Variants in MARCHF1 observed in about 807,000 individuals in gnomAD.
MARCHF1 encodes E3 ubiquitin-protein ligase MARCHF1.
Under a neutral mutation model 54.2 loss-of-function variants are expected in MARCHF1, and 40 were observed. That is an observed-to-expected ratio of 0.74 (90% CI 0.57 to 0.96). The LOEUF is 0.96. MARCHF1 is among the 40% of genes least tolerant of loss of function. The pLI, the probability that MARCHF1 is intolerant of heterozygous loss-of-function variation, is 0.00. For missense variants in MARCHF1, 586 were observed against 656.5 expected, an observed-to-expected ratio of 0.89 and a Z score of 1.17; for synonymous variants, 236 against 236.3, an observed-to-expected ratio of 1.00 and a Z score of 0.01.
At chr4:163,681,724 TGA>T (rs1321848271) in intron 5 of MARCHF1, among the ~76,000 whole-genome samples, 1 of 152,212 alleles carries the variant, frequency 6.6e-6, no homozygotes, top group Admixed American at 6.5e-5. Flanking sequence ...CCAGCCATGC[TGA>T]ACTGTGAGTC....
At chr4:164,164,194 G>A (rs372554769) in intron 1 of MARCHF1, among the ~76,000 whole-genome samples, 23 of 151,940 alleles carry the variant, frequency 1.5e-4, no homozygotes, top group African/African-American at 5.5e-4. Context: ...AAGGGCAAAT[G>A]AAGCCCAATG....
intron 2 of MARCHF1, among the ~76,000 whole-genome samples, chr4:164,040,359 T>TACTTAC (rs59137795): frequency 5.5e-5 from 8 of 145,904 alleles, no homozygotes; most frequent in African/African-American, 2.0e-4. Context: ...TTAGTTCTTA[T>TACTTAC]TAAATACTTA....
intron 3 of MARCHF1, among the ~76,000 whole-genome samples, chr4:163,985,486 T>C (rs1752845211): frequency 6.6e-6 from 1 of 152,186 alleles, no homozygotes; most frequent in South Asian, 2.1e-4. Context: ...TAGGAGTTAC[T>C]TTTTAAAATC....
intron 1 of MARCHF1, among the ~76,000 whole-genome samples, chr4:164,224,028 A>T (rs1732183286): frequency 6.7e-6 from 1 of 150,034 alleles, no homozygotes; most frequent in African/African-American, 2.5e-5. Context: ...CATTTCTAGC[A>T]TTCTCTTTTA....
At chr4:163,877,254 G>A (rs1198290009) in intron 3 of MARCHF1, among the ~76,000 whole-genome samples, 2 of 152,020 alleles carry the variant, frequency 1.3e-5, no homozygotes, top group Non-Finnish European at 1.5e-5. Flanking sequence ...AAGTGACAGA[G>A]GTATCAGTGA....
intron 2 of MARCHF1, among the ~76,000 whole-genome samples, chr4:164,102,765 T>A (rs1357908034): frequency 6.7e-6 from 1 of 150,194 alleles, no homozygotes; most frequent in Non-Finnish European, 1.5e-5. Context: ...CACATAACAA[T>A]ATTAACTTTA....
intron 2 of MARCHF1, among the ~76,000 whole-genome samples, chr4:164,074,754 C>A (rs550939597): frequency 1.3e-5 from 2 of 151,842 alleles, no homozygotes; most frequent in African/African-American, 4.8e-5. Flanking sequence ...AGTTTTAAAT[C>A]GATCTTTAGT....
chr4:163,966,738 G>A (rs1284880010), intron 3 of MARCHF1, among the ~76,000 whole-genome samples: 1 of 152,076 alleles, frequency 6.6e-6, no homozygotes, highest in Non-Finnish European at 1.5e-5. Context: ...TTTAGTGAGG[G>A]AATCACTTGT....
intron 1 of MARCHF1, among the ~76,000 whole-genome samples, chr4:164,237,705 G>A (rs1407954274): frequency 6.6e-6 from 1 of 151,638 alleles, no homozygotes. Flanking sequence ...GCACTTAAAC[G>A]ATCCCCCCAA....
chr4:164,183,215 C>T (rs1398464647), intron 1 of MARCHF1, among the ~76,000 whole-genome samples: 1 of 152,094 alleles, frequency 6.6e-6, no homozygotes, highest in Non-Finnish European at 1.5e-5. Flanking sequence ...TCTCTATTCC[C>T]ATCTACCCAA....
chr4:163,752,525 T>G (rs1259255338), intron 4 of MARCHF1, among the ~76,000 whole-genome samples: 1 of 152,142 alleles, frequency 6.6e-6, no homozygotes, highest in African/African-American at 2.4e-5. Flanking sequence ...TTTTAAAAAT[T>G]GTGATAAGTG....
At chr4:164,356,917 A>C (rs1730569227) in intron 1 of MARCHF1, among the ~76,000 whole-genome samples, 1 of 151,886 alleles carries the variant, frequency 6.6e-6, no homozygotes, top group Non-Finnish European at 1.5e-5. Flanking sequence ...ACACATGGAC[A>C]CATAGAGGAG....
intron 8 of MARCHF1, among the ~76,000 whole-genome samples, chr4:163,574,413 G>T (rs907487218): frequency 2.6e-5 from 4 of 151,846 alleles, no homozygotes; most frequent in Non-Finnish European, 5.9e-5. Flanking sequence ...GAATGGTATT[G>T]CCTAGGTTTT....
At chr4:164,136,747 G>A (rs1756411102) in intron 1 of MARCHF1, among the ~76,000 whole-genome samples, 1 of 152,104 alleles carries the variant, frequency 6.6e-6, no homozygotes, top group African/African-American at 2.4e-5. Context: ...CCTGGAATGT[G>A]AAGTTGAGAG....
chr4:164,071,923 A>AT (rs1358813595), intron 2 of MARCHF1, among the ~76,000 whole-genome samples: 2 of 152,088 alleles, frequency 1.3e-5, no homozygotes, highest in African/African-American at 2.4e-5. Context: ...GTTTCATTGT[A>AT]TTTTTTAATG....
chr4:164,176,289 T>TGTCACTGATGTAGTGATGTA (rs1402747933), intron 1 of MARCHF1, among the ~76,000 whole-genome samples: 1 of 152,190 alleles, frequency 6.6e-6, no homozygotes, highest in African/African-American at 2.4e-5. Context: ...ACTGATGTAG[T>TGTCACTGATGTAGTGATGTA]GTTAATTACA....
chr4:164,189,754 T>C, intron 1 of MARCHF1: 1 of 1,286,548 alleles, frequency 7.8e-7, no homozygotes, highest in Non-Finnish European at 1.1e-6. Flanking sequence ...CAACCAACTG[T>C]CATAATCAAG....
intron 1 of MARCHF1, among the ~76,000 whole-genome samples, chr4:164,328,367 A>C (rs1167730079): frequency 2.6e-5 from 4 of 152,148 alleles, no homozygotes. Flanking sequence ...AGATTATATA[A>C]AATCTTAAAA....
chr4:164,253,430 A>C (rs1397147842), intron 1 of MARCHF1, among the ~76,000 whole-genome samples: 1 of 152,162 alleles, frequency 6.6e-6, no homozygotes, highest in Non-Finnish European at 1.5e-5. Context: ...TGAATTAATA[A>C]AATTTATTGT....
Sources: gnomAD v4.1 joint callset for allele counts (sites outside exome capture counted in the v4.1 genomes callset) on GRCh38, gnomAD v4.1.1 for gene constraint, MANE v1.5 for transcripts, NCBI Gene and HGNC (gene_info 2026-07-23, HGNC 2026-07-21) for gene names.